The following GLMN variants were observed in gnomAD, a reference collection of about 807,000 sequenced individuals.
The protein encoded by GLMN is glomulin.
A neutral mutation model predicts 87.8 loss-of-function variants in GLMN; 75 were observed. The observed-to-expected ratio is 0.85, with a 90% CI of 0.71 to 1.04. The LOEUF (loss-of-function observed/expected upper bound fraction) is 1.04, where lower values mean the gene tolerates loss of function less well. Among genes scored for constraint, GLMN ranks in the 50% least tolerant of loss-of-function variants. The pLI is 0.00. For missense variants in GLMN, 588 were observed against 658.8 expected (o/e 0.89, Z 1.18); for synonymous variants, 206 against 221.6 (o/e 0.93, Z 0.63).
intron 7 of GLMN, among the ~76,000 whole-genome samples, chr1:92,272,742 T>C (rs1483378956): frequency 6.6e-6 from 1 of 152,156 alleles, no homozygotes; most frequent in Non-Finnish European, 1.5e-5. Flanking sequence ...AGAAGCATCC[T>C]TGCATGAGTG....
chr1:92,294,001 A>AC (rs1057384648), intron 3 of GLMN, among the ~76,000 whole-genome samples: 49 of 152,178 alleles, frequency 3.2e-4, no homozygotes, highest in African/African-American at 1.1e-3. Flanking sequence ...GGTACCAAAA[A>AC]AAAAAAAAAA....
the GLMN span, among the ~76,000 whole-genome samples, chr1:92,330,848 A>G: frequency 1.3e-5 from 2 of 152,214 alleles, no homozygotes; most frequent in South Asian, 2.1e-4. Flanking sequence ...TGTGTGGTCC[A>G]TGGAACCAGC....
the GLMN span, among the ~76,000 whole-genome samples, chr1:92,335,068 A>G: frequency 6.6e-6 from 1 of 152,158 alleles, no homozygotes; most frequent in Non-Finnish European, 1.5e-5. Context: ...TCGCTTGAGC[A>G]CGAGAGTTTG....
chr1:92,344,467 G>A, the GLMN span, among the ~76,000 whole-genome samples: 32 of 152,116 alleles, frequency 2.1e-4, no homozygotes, highest in Non-Finnish European at 4.6e-4. Flanking sequence ...AGCAAAATAT[G>A]TAAATCTAGT....
chr1:92,340,786 TG>T, the GLMN span, among the ~76,000 whole-genome samples: 2 of 152,222 alleles, frequency 1.3e-5, no homozygotes, highest in Non-Finnish European at 2.9e-5. Flanking sequence ...ATTACAAATC[TG>T]CTATCTAGAA....
At chr1:92,282,578 A>G (rs1317326702) in intron 7 of GLMN, among the ~76,000 whole-genome samples, 1 of 152,232 alleles carries the variant, frequency 6.6e-6, no homozygotes, top group Non-Finnish European at 1.5e-5. Flanking sequence ...GAAAAGCAAG[A>G]GCAAACAAAT....
chr1:92,323,050 TTATATATATACTTTATATATATATTTA>T, the GLMN span, among the ~76,000 whole-genome samples: 2 of 146,436 alleles, frequency 1.4e-5, no homozygotes, highest in Non-Finnish European at 3.0e-5. Context: ...ATCTTTATAT[TTATATATATACTTTATATATATATTTA>T]TATATATATA....
intron 3 of GLMN, among the ~76,000 whole-genome samples, chr1:92,294,826 G>A (rs996038294): frequency 1.1e-4 from 17 of 152,088 alleles, no homozygotes; most frequent in African/African-American, 2.7e-4. Context: ...TTACAGGGGC[G>A]CACCATCACG....
chr1:92,337,513 T>G, the GLMN span, among the ~76,000 whole-genome samples: 1 of 152,266 alleles, frequency 6.6e-6, no homozygotes, highest in East Asian at 1.9e-4. Context: ...AGAATTGTCT[T>G]CAGCTGCTGA....
At chr1:92,305,351 T>G in the GLMN span, among the ~76,000 whole-genome samples, 1 of 143,206 alleles carries the variant, frequency 7.0e-6, no homozygotes, top group Non-Finnish European at 1.5e-5. Context: ...GAGAATGGCG[T>G]GAACCCGGGA....
intron 2 of GLMN, 52 bp downstream of exon 2, chr1:92,297,909 T>C (rs1317503520): frequency 2.3e-6 from 2 of 879,306 alleles, no homozygotes; most frequent in South Asian, 1.4e-5. Flanking sequence ...AAACAATCTG[T>C]GCCCTTCCCA....
chr1:92,361,837 T>G, the GLMN span, among the ~76,000 whole-genome samples: 1 of 135,930 alleles, frequency 7.4e-6, no homozygotes, highest in South Asian at 2.2e-4. Flanking sequence ...TTATCTTCCA[T>G]GGACGTAACT....
At chr1:92,340,686 G>A in the GLMN span, among the ~76,000 whole-genome samples, 1 of 152,152 alleles carries the variant, frequency 6.6e-6, no homozygotes, top group African/African-American at 2.4e-5. Context: ...CCAGAGTTAA[G>A]AGCCTATTTT....
intron 13 of GLMN, among the ~76,000 whole-genome samples, chr1:92,265,637 C>T (rs9660398): frequency 0.048 from 7,319 of 152,080 alleles, 604 homozygotes; most frequent in African/African-American, 0.17. Flanking sequence ...GGCATGATGG[C>T]ATGCACCTGT....
chr1:92,343,008 T>G, the GLMN span, among the ~76,000 whole-genome samples: 23 of 152,254 alleles, frequency 1.5e-4, no homozygotes, highest in Middle Eastern at 3.4e-3. Flanking sequence ...GCTAATACAT[T>G]TGAGAGTTGT....
chr1:92,254,133 A>G (rs1349084713), intron 16 of GLMN, among the ~76,000 whole-genome samples: 2 of 152,226 alleles, frequency 1.3e-5, no homozygotes, highest in Non-Finnish European at 2.9e-5. Context: ...GCAAGTATCA[A>G]TAGCTGAATC....
the GLMN span, among the ~76,000 whole-genome samples, chr1:92,362,646 A>T: frequency 6.6e-6 from 1 of 152,190 alleles, no homozygotes; most frequent in East Asian, 1.9e-4. Context: ...TGCTTGGTGA[A>T]CACCTGCAAT....
the GLMN span, among the ~76,000 whole-genome samples, chr1:92,370,453 G>A: frequency 8.5e-5 from 13 of 152,106 alleles, no homozygotes; most frequent in East Asian, 7.7e-4. Context: ...AAGAGCTTTC[G>A]TACCCCCCCA....
At chr1:92,295,598 C>T (rs1649955949) in intron 3 of GLMN, among the ~76,000 whole-genome samples, 1 of 152,116 alleles carries the variant, frequency 6.6e-6, no homozygotes, top group Non-Finnish European at 1.5e-5. Flanking sequence ...ATGCCTCTCC[C>T]TCTCAATCAA....
Sources: gnomAD v4.1 joint callset for allele counts (sites outside exome capture counted in the v4.1 genomes callset) on GRCh38, gnomAD v4.1.1 for gene constraint, MANE v1.5 for transcripts, NCBI Gene and HGNC (gene_info 2026-07-23, HGNC 2026-07-21) for gene names.